Variants in INTS3 observed in about 807,000 individuals in gnomAD.
The protein encoded by INTS3 is SOSS complex subunit A.
In INTS3, 34 loss-of-function variants were observed where a neutral mutation model predicts 146.3. The observed-to-expected ratio is 0.23, with a 90% CI of 0.18 to 0.31. The LOEUF is 0.31. Among genes scored for constraint, INTS3 ranks in the 10% least tolerant of loss-of-function variants. The pLI, the probability that INTS3 is intolerant of heterozygous loss-of-function variation, is 1.00. For synonymous variants in INTS3, 475 were observed against 494.9 expected, an observed-to-expected ratio of 0.96 and a Z score of 0.53; for missense variants, 757 against 1,304.2, an observed-to-expected ratio of 0.58 and a Z score of 6.46.
At chr1:153,731,804 C>T (rs1329290645) in intron 1 of INTS3, among the ~76,000 whole-genome samples, 2 of 150,800 alleles carry the variant, frequency 1.3e-5, no homozygotes, top group African/African-American at 4.9e-5. Context: ...CCAGGATGGT[C>T]TCTATCTCCT....
intron 1 of INTS3, among the ~76,000 whole-genome samples, chr1:153,734,326 G>A (rs1248166698): frequency 6.6e-6 from 1 of 152,148 alleles, no homozygotes; most frequent in Non-Finnish European, 1.5e-5. Context: ...ATGGTCCTTT[G>A]TCACCCTGAA....
At chr1:153,759,726 C>T (rs1208462413) in intron 11 of INTS3, 113 bp downstream of exon 11, 2 of 711,252 alleles carry the variant, frequency 2.8e-6, no homozygotes, top group Non-Finnish European at 5.0e-6. Flanking sequence ...GGCAGTTTAT[C>T]TGGGAGCAGC....
chr1:153,759,897 C>T (rs541304400), intron 11 of INTS3: 1 of 519,504 alleles, frequency 1.9e-6, no homozygotes, highest in African/African-American at 1.9e-5. Flanking sequence ...TGCTTCTCCT[C>T]ACCTATTACT....
At chr1:153,745,674 A>AG (rs1488627769) in intron 3 of INTS3, among the ~76,000 whole-genome samples, 1 of 151,870 alleles carries the variant, frequency 6.6e-6, no homozygotes, top group Non-Finnish European at 1.5e-5. Context: ...AAAAAAACTA[A>AG]GGGGGGAAGG....
rs749983448 is a variant in INTS3 at position 153,760,935 on chromosome 1, G to A, written c.1409+17G>A. On this transcript the variant is annotated intron_variant, in intron 13 of 29. Coordinates refer to ENST00000318967, the MANE Select transcript of INTS3 (RefSeq NM_023015.5). Reference sequence around the variant, plus strand: ...GGTCTTGGCGTAAGGAATTTGGTGGGGGAAGGAGGTTGTTTTCCCATTTTT... The same window carrying A: ...GGTCTTGGCGTAAGGAATTTGGTGGAGGAAGGAGGTTGTTTTCCCATTTTT... 14 of 1,608,880 alleles carry A rather than the reference G, an allele frequency of 8.7e-6. No individual in the cohort carries two copies. The Admixed American group carries it at 2.2e-4, about 25-fold the overall frequency.
intron 14 of INTS3, among the ~76,000 whole-genome samples, chr1:153,762,458 A>T (rs1672418544): frequency 6.6e-6 from 1 of 152,150 alleles, no homozygotes; most frequent in African/African-American, 2.4e-5. Context: ...ACTGTCCCTG[A>T]TCTTACTCTA....
intron 1 of INTS3, among the ~76,000 whole-genome samples, chr1:153,740,250 C>G (rs190903888): frequency 7.4e-4 from 113 of 152,202 alleles, no homozygotes; most frequent in Non-Finnish European, 1.3e-3. Flanking sequence ...CAGGTATGTG[C>G]CACTGCGCCT....
intron 8 of INTS3, 33 bp from the exon 9 acceptor site, chr1:153,754,609 C>G (rs1672093417): frequency 7.0e-7 from 1 of 1,432,564 alleles, no homozygotes. Context: ...CCTTAGGCTT[C>G]CTCTTTTCTC....
In INTS3 at chr1:153,731,747, G is replaced by A. The variant is rs563049379; in HGVS notation, c.150+2963G>A. Among the ~76,000 whole-genome samples the A allele has an allele frequency of 3.0e-3, 441 of 148,226 alleles. 2 individuals carry two copies. The highest frequency in any genetic ancestry group is 9.0e-3 in the African/African-American group (363 of 40,302). On this transcript the variant is annotated intron_variant, in intron 1 of 29. Transcript: ENST00000318967. Reference sequence around the variant, plus strand: ...ACTACAGGCGCCTGCCACCACGCCCGGCTAATTTTTTGCATTTTTAGTAGA... The same window carrying A: ...ACTACAGGCGCCTGCCACCACGCCCAGCTAATTTTTTGCATTTTTAGTAGA...
chr1:153,764,326 C>A, intron 18 of INTS3, 105 bp downstream of exon 18: 1 of 765,862 alleles, frequency 1.3e-6, no homozygotes, highest in South Asian at 1.5e-5. Flanking sequence ...AATCTGTTCA[C>A]TTGGTGTTTT....
At chr1:153,771,700 G>C (rs1161592953) in intron 25 of INTS3, 96 bp from the exon 26 acceptor site, 2 of 1,195,618 alleles carry the variant, frequency 1.7e-6, no homozygotes, top group Non-Finnish European at 2.4e-6. Context: ...GTAGTGGGTG[G>C]GTGGGGAGGC....
chr1:153,770,058 G>GGGTGTGTGTGT, intron 23 of INTS3, 140 bp from the exon 24 acceptor site: 2 of 439,650 alleles, frequency 4.5e-6, no homozygotes, highest in Non-Finnish European at 8.1e-6. Flanking sequence ...AGTGGATTGG[G>GGGTGTGTGTGT]GTGTGTGTGT....
chr1:153,766,152 C>T (rs985169086), intron 20 of INTS3, among the ~76,000 whole-genome samples: 18 of 123,094 alleles, frequency 1.5e-4, no homozygotes, highest in South Asian at 2.6e-4. Context: ...GACAGAGTCT[C>T]GCTGTGTCGC....
Position 153,728,427 on chromosome 1 carries a change from G to C in INTS3, c.-208G>C, listed in dbSNP as rs1429042764. On this transcript the variant is annotated 5_prime_UTR_variant, in exon 1 of 30. Transcript: ENST00000318967. ...CCTTTCCCTCAGCACTGCCACCCCA[G>C]AGTCAGGACCCAGAGGACTGTGCCT... 3 of 547,374 alleles carry C rather than the reference G, an allele frequency of 5.5e-6. No individual in the cohort carries two copies. The highest frequency in any genetic ancestry group is 4.0e-5 in the African/African-American group (2 of 50,088). The allele number at this position is 547,374 out of a possible 1,614,324, so 33.9% of individuals were successfully genotyped here.
chr1:153,757,840 C>T lies in INTS3; in HGVS notation c.1149+77C>T, dbSNP rs1672219671. The T allele has an allele frequency of 3.9e-6, 5 of 1,296,378 alleles. No homozygotes were observed. The highest frequency in any genetic ancestry group is 1.8e-5 in the Admixed American group (1 of 55,948). The allele number at this position is 1,296,378 out of a possible 1,614,324, so 80.3% of individuals were successfully genotyped here. ...CATGTTTCCATTCTTCTTCCTGACT[C>T]CAGGGCCACTTGACCCCTAAGGGCC... On this transcript the variant is annotated intron_variant, in intron 10 of 29. Transcript: ENST00000318967. The surrounding 1 kb of genome is among the most constrained non-coding windows in gnomAD (Gnocchi z 4.0).
chr1:153,767,546 A>T, intron 20 of INTS3, 128 bp from the exon 21 acceptor site: 1 of 884,740 alleles, frequency 1.1e-6, no homozygotes, highest in Non-Finnish European at 1.6e-6. Flanking sequence ...GTTGGGAGGG[A>T]CATGAGGCAG....
chr1:153,733,240 T>C (rs1671154030), intron 1 of INTS3, among the ~76,000 whole-genome samples: 1 of 131,414 alleles, frequency 7.6e-6, no homozygotes, highest in African/African-American at 3.0e-5. Flanking sequence ...GCAGATGCAG[T>C]CTTGCTCTGT....
At chr1:153,729,406 G>A (rs1475808136) in intron 1 of INTS3, among the ~76,000 whole-genome samples, 1 of 152,196 alleles carries the variant, frequency 6.6e-6, no homozygotes, top group Non-Finnish European at 1.5e-5. Flanking sequence ...AGAACACATC[G>A]CTTCTGAAAA....
At chr1:153,761,121 C>T (rs1254758486) in intron 13 of INTS3, 3 of 1,370,722 alleles carry the variant, frequency 2.2e-6, no homozygotes, top group Non-Finnish European at 2.9e-6. Context: ...TCTTCAAATG[C>T]CTTCATGTTC....
Sources: allele counts gnomAD v4.1 joint callset (sites outside exome capture counted in the v4.1 genomes callset), GRCh38; gene constraint gnomAD v4.1.1; non-coding constraint Gnocchi (gnomAD v3.1); transcripts MANE v1.5; gene names NCBI Gene and HGNC (gene_info 2026-07-23, HGNC 2026-07-21).